Variants in GRIK2 observed in about 807,000 individuals in gnomAD.
The protein encoded by GRIK2 is glutamate receptor ionotropic, kainate 2.
Under a neutral mutation model 100.3 loss-of-function variants are expected in GRIK2, and 32 were observed. The observed-to-expected ratio is 0.32, with a 90% confidence interval of 0.24 to 0.43. GRIK2 has a LOEUF of 0.43. Among genes scored for constraint, GRIK2 ranks in the 20% least tolerant of loss-of-function variants. The pLI is 1.00. For synonymous variants in GRIK2, 417 were observed against 389.4 expected (o/e 1.07, Z -0.83); for missense variants, 843 against 1,114.9 (o/e 0.76, Z 3.47).
chr6:101,412,382 A>G (rs760010292), intron 2 of GRIK2, among the ~76,000 whole-genome samples: 2 of 152,040 alleles, frequency 1.3e-5, no homozygotes, highest in Admixed American at 1.3e-4. Context: ...ATATATTCCT[A>G]TAATTAAACT....
intron 14 of GRIK2, among the ~76,000 whole-genome samples, chr6:101,953,968 T>A (rs1562508307): frequency 6.6e-6 from 1 of 152,142 alleles, no homozygotes; most frequent in Non-Finnish European, 1.5e-5. Context: ...CATCCCTTTG[T>A]ATGTAGATAT....
chr6:101,822,899 A>G (rs1046299888), intron 10 of GRIK2, among the ~76,000 whole-genome samples: 3 of 152,144 alleles, frequency 2.0e-5, no homozygotes, highest in Non-Finnish European at 4.4e-5. Flanking sequence ...CTAGTGGTCA[A>G]ATATAGAAAA....
intron 9 of GRIK2, among the ~76,000 whole-genome samples, chr6:101,806,253 A>C (rs1442681661): frequency 6.6e-6 from 1 of 152,080 alleles, no homozygotes; most frequent in Non-Finnish European, 1.5e-5. Context: ...GAAAAGGAAA[A>C]CAGAATAAGT....
intron 7 of GRIK2, among the ~76,000 whole-genome samples, chr6:101,732,990 T>G (rs1775379920): frequency 1.3e-5 from 2 of 152,064 alleles, no homozygotes; most frequent in Non-Finnish European, 2.9e-5. Context: ...ATATAATAAA[T>G]CAAATGACTT....
chr6:101,706,446 ATTTAT>A lies in GRIK2; in HGVS notation c.951+20099_951+20103del, dbSNP rs924787204. ...ATGCAAACATTGATGGCTTTTTAAAATTTATTTTATATTATGAGTATATAATAGGT... is the reference window on the plus strand; with the variant it reads ...ATGCAAACATTGATGGCTTTTTAAAATTTATATTATGAGTATATAATAGGT... On this transcript the variant is annotated intron_variant, in intron 7 of 16. Transcript: ENST00000369134. 2.4e-4 allele frequency among the ~76,000 whole-genome samples: 36 copies of A among 152,020 alleles called. No homozygotes were observed. The East Asian group carries it at 4.9e-3, about 21-fold the overall frequency.
intron 4 of GRIK2, among the ~76,000 whole-genome samples, chr6:101,656,992 C>G (rs987130615): frequency 6.6e-6 from 1 of 152,136 alleles, no homozygotes; most frequent in Non-Finnish European, 1.5e-5. Flanking sequence ...TAGCCATGGG[C>G]CTTTCAAAAT....
intron 7 of GRIK2, among the ~76,000 whole-genome samples, chr6:101,769,622 T>C (rs1374877109): frequency 1.3e-5 from 2 of 152,186 alleles, no homozygotes; most frequent in East Asian, 3.8e-4. Context: ...TTAAACAAAT[T>C]ATGAGTATCT....
chr6:101,872,861 A>G (rs996770965), intron 11 of GRIK2, among the ~76,000 whole-genome samples: 1 of 151,864 alleles, frequency 6.6e-6, no homozygotes, highest in Non-Finnish European at 1.5e-5. Context: ...AGAATTTTAA[A>G]TTATAGGTTG....
chr6:101,610,801 G>A (rs1419851654), intron 2 of GRIK2, among the ~76,000 whole-genome samples: 1 of 151,628 alleles, frequency 6.6e-6, no homozygotes, highest in African/African-American at 2.4e-5. Flanking sequence ...AAATAAGTAC[G>A]ATTAAGCACA....
chr6:101,433,751 T>C (rs2128243861), intron 2 of GRIK2, among the ~76,000 whole-genome samples: 1 of 152,300 alleles, frequency 6.6e-6, no homozygotes, highest in Non-Finnish European at 1.5e-5. Context: ...GATGAGAACA[T>C]TTTTAGTCTG....
intron 8 of GRIK2, among the ~76,000 whole-genome samples, chr6:101,801,563 C>T (rs1425984034): frequency 6.6e-6 from 1 of 151,856 alleles, no homozygotes; most frequent in African/African-American, 2.4e-5. Context: ...TTATTTTAAA[C>T]ATTTTAGTTG....
intron 11 of GRIK2, among the ~76,000 whole-genome samples, chr6:101,863,525 CTTG>C (rs1390896736): frequency 6.6e-6 from 1 of 152,188 alleles, no homozygotes; most frequent in Admixed American, 6.5e-5. Flanking sequence ...TTCCTTATTA[CTTG>C]AAATTCTTTG....
chr6:102,023,112 A>G (rs2114373544), intron 14 of GRIK2, among the ~76,000 whole-genome samples: 1 of 151,650 alleles, frequency 6.6e-6, no homozygotes, highest in East Asian at 1.9e-4. Flanking sequence ...TAAATTTAAA[A>G]TATATGGTGA....
rs1463593153 is a variant in GRIK2 at position 101,831,787 on chromosome 6, ATAC to A, written c.1317+13307_1317+13309del. 1.1e-4 allele frequency among the ~76,000 whole-genome samples: 17 copies of A among 152,228 alleles called. 1 individual carries two copies. The highest frequency in any genetic ancestry group is 4.1e-4 in the South Asian group (2 of 4,828). On this transcript the variant is annotated intron_variant, in intron 10 of 16. Transcript: ENST00000369134. The stretch of plus-strand genomic sequence containing the variant: ...TATGAGTTATTGATATGCAATGAAA[ATAC>A]TAGTAGTTAAGGTTATTGTCAACTA...
chr6:101,401,887 C>T (rs1232129506), intron 2 of GRIK2, among the ~76,000 whole-genome samples: 1 of 152,302 alleles, frequency 6.6e-6, no homozygotes, highest in African/African-American at 2.4e-5. Context: ...GCCGCCTCTG[C>T]TGGGGAGGCA....
intron 2 of GRIK2, among the ~76,000 whole-genome samples, chr6:101,567,150 C>T (rs183741736): frequency 1.6e-4 from 25 of 151,872 alleles, no homozygotes; most frequent in African/African-American, 5.8e-4. Context: ...AGTGCCCTGT[C>T]CACTGTAGTA....
intron 2 of GRIK2, among the ~76,000 whole-genome samples, chr6:101,526,992 C>T (rs924393929): frequency 6.6e-6 from 1 of 152,292 alleles, no homozygotes; most frequent in South Asian, 2.1e-4. Context: ...GTCTCCCATA[C>T]CCTTAGGCTA....
intron 9 of GRIK2, among the ~76,000 whole-genome samples, chr6:101,812,363 G>A (rs1034060823): frequency 6.6e-6 from 1 of 151,788 alleles, no homozygotes; most frequent in Admixed American, 6.6e-5. Flanking sequence ...TTGATGAAAT[G>A]TTTCGTTTTG....
intron 7 of GRIK2, among the ~76,000 whole-genome samples, chr6:101,715,983 T>A (rs566134361): frequency 4.1e-4 from 63 of 151,926 alleles, no homozygotes; most frequent in African/African-American, 1.5e-3. Flanking sequence ...GAAAGAAATC[T>A]TGAAATTCAA....
Sources: gnomAD v4.1 joint callset for allele counts (sites outside exome capture counted in the v4.1 genomes callset) on GRCh38, gnomAD v4.1.1 for gene constraint, MANE v1.5 for transcripts, NCBI Gene and HGNC (gene_info 2026-07-23, HGNC 2026-07-21) for gene names.